The following CNGB1 variants were observed in gnomAD, a reference collection of about 807,000 sequenced individuals.
CNGB1 encodes the protein cyclic nucleotide-gated channel beta-1.
Under a neutral mutation model 151.7 loss-of-function variants are expected in CNGB1, and 126 were observed. The ratio of observed to expected loss-of-function variants is 0.83; its 90% CI spans 0.72 to 0.96. CNGB1 has a LOEUF of 0.96. CNGB1 is among the 40% of genes least tolerant of loss of function. The pLI, the probability that CNGB1 is intolerant of heterozygous loss-of-function variation, is 0.00. For missense variants in CNGB1, 1,698 were observed against 1,627.0 expected, an observed-to-expected ratio of 1.04 and a Z score of -0.75; for synonymous variants, 623 against 635.1, an observed-to-expected ratio of 0.98 and a Z score of 0.29.
At chr16:57,938,171 T>C (rs551141066) in intron 16 of CNGB1, among the ~76,000 whole-genome samples, 7 of 152,340 alleles carry the variant, frequency 4.6e-5, no homozygotes, top group Non-Finnish European at 8.8e-5. Context: ...CCAGACCACC[T>C]GCTTCCAAAT....
chr16:57,889,888 G>T (rs536571280), intron 31 of CNGB1, among the ~76,000 whole-genome samples: 1 of 152,294 alleles, frequency 6.6e-6, no homozygotes, highest in East Asian at 1.9e-4. Context: ...CATGGAAAGG[G>T]CTGAGATTAT....
chr16:57,958,301 TG>T, intron 11 of CNGB1, 108 bp downstream of exon 11: 4 of 981,708 alleles, frequency 4.1e-6, no homozygotes, highest in African/African-American at 1.6e-5. Flanking sequence ...ACAGGAAGGC[TG>T]GGGGAGCTGG....
intron 29 of CNGB1, 133 bp from the exon 30 acceptor site, chr16:57,898,047 C>A: frequency 2.3e-6 from 2 of 874,048 alleles, no homozygotes; most frequent in Non-Finnish European, 3.9e-6. Flanking sequence ...GCCACCACAA[C>A]TTGGGGTGTC....
intron 18 of CNGB1, 152 bp downstream of exon 18, chr16:57,923,120 CT>C: frequency 1.8e-6 from 1 of 555,854 alleles, no homozygotes; most frequent in Non-Finnish European, 3.2e-6. Context: ...CAGAAGCAGC[CT>C]GGGCAGGCGA....
rs199571662 is a variant in CNGB1 at position 57,912,991 on chromosome 16, T to C, written c.2308A>G (p.Met770Val). Residue 770 changes from methionine (M) to valine (V), a missense_variant, in exon 24 of 33, where the codon ATG (methionine) becomes GTG (valine). Met to Val is a conservative substitution (Grantham distance 21). Transcript: ENST00000251102. Reference protein sequence around the residue: ...LLRLPRCLKYMAFFEFNSRLE... With the variant: ...LLRLPRCLKYVAFFEFNSRLE... Reference sequence around the variant, plus strand: ...CGGCTGTTAAACTCGAAGAAGGCCATGTACTGGAGGGAGAGGAGGGCGTGA... The same window carrying C: ...CGGCTGTTAAACTCGAAGAAGGCCACGTACTGGAGGGAGAGGAGGGCGTGA... The C allele has an allele frequency of 6.2e-6, 10 of 1,613,754 alleles. No homozygotes were observed. In the African/African-American group the frequency reaches 1.1e-4, roughly 17 times the overall value.
At chr16:57,946,131 G>A (rs1961802928) in intron 14 of CNGB1, among the ~76,000 whole-genome samples, 2 of 152,160 alleles carry the variant, frequency 1.3e-5, no homozygotes, top group African/African-American at 4.8e-5. Context: ...GGATTTCCAA[G>A]CAAAGGAACA....
At chr16:57,949,209 CA>C (rs1961884741) in intron 14 of CNGB1, 143 bp downstream of exon 14, 2 of 1,468,534 alleles carry the variant, frequency 1.4e-6, no homozygotes, top group Non-Finnish European at 1.8e-6. Context: ...CAGCTTCTCG[CA>C]GCCTCTTTGG....
chr16:57,920,817 G>A (rs1043854220), intron 18 of CNGB1, among the ~76,000 whole-genome samples: 41 of 152,170 alleles, frequency 2.7e-4, no homozygotes, highest in Admixed American at 2.1e-3. Flanking sequence ...TGGAAAAAGC[G>A]TGACTCCACT....
chr16:57,963,498 C>T (rs1447329138), intron 4 of CNGB1, among the ~76,000 whole-genome samples: 1 of 152,228 alleles, frequency 6.6e-6, no homozygotes, highest in East Asian at 1.9e-4. Context: ...AGGTTTGCTG[C>T]AGGTGTAATG....
chr16:57,959,877 G>T lies in CNGB1; in HGVS notation c.761+11C>A. On this transcript the variant is annotated intron_variant, in intron 10 of 32. Transcript: ENST00000251102. ...TCCCTGGTGGGAGGCGCTGCATTGA[G>T]GGTGGCTCACCTGGCAGGGTCCCTG... is the stretch of plus-strand genomic sequence containing the variant. 1 of 1,516,232 alleles carries T rather than the reference G, an allele frequency of 6.6e-7. No homozygotes were observed. The highest frequency in any genetic ancestry group is 8.8e-7 in the Non-Finnish European group (1 of 1,131,264). 93.9% of individuals were successfully genotyped at this position (1,516,232 alleles called of 1,614,324 possible). A position where few individuals can be genotyped will look rare whatever the true frequency, so the allele number is the denominator to read the frequency against.
At chr16:57,891,741 G>A (rs1960097279) in intron 31 of CNGB1, among the ~76,000 whole-genome samples, 1 of 151,966 alleles carries the variant, frequency 6.6e-6, no homozygotes, top group African/African-American at 2.4e-5. Context: ...ATTTTTAGTA[G>A]AGATGGGGTT....
In CNGB1 at chr16:57,882,763, C is replaced by A. The variant is rs1025653781; in HGVS notation, c.*1401G>T. 16 of 151,616 alleles carry A rather than the reference C, an allele frequency of 1.1e-4. No homozygotes were observed. The highest frequency in any genetic ancestry group is 2.2e-4 in the Non-Finnish European group (15 of 67,954). The allele number at this position is 151,616 out of a possible 1,614,324, so 9.4% of individuals were successfully genotyped here. A position where few individuals can be genotyped will look rare whatever the true frequency, so the allele number is the denominator to read the frequency against. The stretch of plus-strand genomic sequence containing the variant: ...AAAATCCTCTTGATAAATATTCATT[C>A]CCTGAATGACCCTTTTTTCTTTTTT... On this transcript the variant is annotated 3_prime_UTR_variant, in exon 33 of 33. Coordinates refer to ENST00000251102, the MANE Select transcript of CNGB1 (RefSeq NM_001297.5).
intron 9 of CNGB1, 45 bp downstream of exon 9, chr16:57,960,437 C>G: frequency 6.2e-7 from 1 of 1,602,896 alleles, no homozygotes; most frequent in Non-Finnish European, 8.5e-7. Flanking sequence ...GAGCCCAGCC[C>G]GTGACCATCC....
intron 26 of CNGB1, 33 bp from the exon 27 acceptor site, chr16:57,904,014 C>T (rs1166103713): frequency 1.2e-6 from 2 of 1,606,696 alleles, no homozygotes; most frequent in Admixed American, 1.7e-5. Flanking sequence ...TCAAGGAAGC[C>T]ACTGGGTCAT....
chr16:57,926,018 C>T (rs915436818), intron 17 of CNGB1, among the ~76,000 whole-genome samples: 34 of 152,150 alleles, frequency 2.2e-4, no homozygotes, highest in African/African-American at 7.0e-4. Flanking sequence ...CCTTCATTTC[C>T]GTGAGGTTTG....
intron 25 of CNGB1, among the ~76,000 whole-genome samples, chr16:57,906,792 G>C (rs541659011): frequency 1.3e-5 from 2 of 152,274 alleles, no homozygotes; most frequent in East Asian, 3.9e-4. Context: ...ACCCTTCCTA[G>C]CTGGAGGAAT....
intron 25 of CNGB1, among the ~76,000 whole-genome samples, chr16:57,906,109 C>T (rs1402614618): frequency 6.6e-6 from 1 of 152,208 alleles, no homozygotes; most frequent in African/African-American, 2.4e-5. Flanking sequence ...GCTATTTATG[C>T]AGTGTCCTAG....
intron 17 of CNGB1, among the ~76,000 whole-genome samples, chr16:57,926,348 G>A (rs1392312217): frequency 6.6e-6 from 1 of 152,144 alleles, no homozygotes; most frequent in African/African-American, 2.4e-5. Context: ...CAGTGCAGAC[G>A]CAGCACTCCA....
chr16:57,926,722 G>A (rs1242385535), intron 17 of CNGB1, among the ~76,000 whole-genome samples: 4 of 152,174 alleles, frequency 2.6e-5, no homozygotes, highest in African/African-American at 4.8e-5. Flanking sequence ...GCTTACACCC[G>A]TAATCCCAAC....
Sources: gnomAD v4.1 joint callset for allele counts (sites outside exome capture counted in the v4.1 genomes callset) on GRCh38, gnomAD v4.1.1 for gene constraint, MANE v1.5 for transcripts, NCBI Gene and HGNC (gene_info 2026-07-23, HGNC 2026-07-21) for gene names.